Variants in KDM7A observed in about 807,000 individuals in gnomAD.
The protein encoded by KDM7A is lysine demethylase 7A.
Under a neutral mutation model 114.8 loss-of-function variants are expected in KDM7A, and 28 were observed. The observed-to-expected ratio is 0.24, with a 90% CI of 0.18 to 0.33. The LOEUF is 0.33. Ranked by LOEUF, KDM7A falls within the 10% of genes least tolerant of loss-of-function variation. The probability of loss-of-function intolerance (pLI) is 1.00; values close to 1 mark genes in which losing one functional copy is unlikely to be tolerated. For synonymous variants in KDM7A, 423 were observed against 397.8 expected (o/e 1.06, Z -0.75); for missense variants, 942 against 1,142.5 (o/e 0.82, Z 2.53).
intron 1 of KDM7A, among the ~76,000 whole-genome samples, chr7:140,174,964 C>A (rs1311577030): frequency 7.0e-6 from 1 of 142,836 alleles, no homozygotes; most frequent in African/African-American, 2.4e-5. Context: ...AAAAATAGTT[C>A]TTTGAAAAAA....
In KDM7A at chr7:140,176,980, G is replaced by C. The variant is rs756709949; in HGVS notation, c.-43C>G. The C allele has an allele frequency of 5.5e-6, 6 of 1,087,024 alleles. No homozygotes were observed. Among genetic ancestry groups the C allele is most frequent in the South Asian group, 9.0e-5 (2 of 22,328 alleles). The allele number at this position is 1,087,024 out of a possible 1,614,324, so 67.3% of individuals were successfully genotyped here. The stretch of plus-strand genomic sequence containing the variant: ...ACGCTCGCTCGCTACTCCGCTCGCC[G>C]ACTGGAGCGAGCGCAGCCGCCAGCC... On this transcript the variant is annotated 5_prime_UTR_variant, in exon 1 of 20. Transcript: ENST00000397560. This position sits in a 1 kb window ranked among gnomAD's most constrained non-coding sequence, Gnocchi z 4.4.
At position 140,100,120 on chromosome 7, in the gene KDM7A, G is replaced by C. The variant is rs530112438; in HGVS notation, c.1639-97C>G. 4 of 1,313,642 alleles carry C rather than the reference G, an allele frequency of 3.0e-6. No individual in the cohort carries two copies. In the South Asian group the frequency reaches 5.2e-5, roughly 17 times the overall value. 81.4% of individuals were successfully genotyped at this position (1,313,642 alleles called of 1,614,324 possible). On this transcript the variant is annotated intron_variant, in intron 12 of 19. Coordinates refer to ENST00000397560, the MANE Select transcript of KDM7A (RefSeq NM_030647.2). ...ATACCACCACCTCCCCCATGGTCCT[G>C]CATCTCAAAGATACAGGCAGCCACC... is the stretch of plus-strand genomic sequence containing the variant.
intron 1 of KDM7A, among the ~76,000 whole-genome samples, chr7:140,173,480 T>G (rs976465879): frequency 6.6e-6 from 1 of 152,210 alleles, no homozygotes; most frequent in Admixed American, 6.5e-5. Flanking sequence ...TCAGATTTCC[T>G]TATGTCAGAA....
At position 140,120,431 on chromosome 7, in the gene KDM7A, A is replaced by G. The variant is rs1208720346; in HGVS notation, c.1139+11T>C. 1.9e-6 allele frequency: 3 copies of G among 1,564,884 alleles called. No homozygotes were observed. In the Admixed American group the frequency reaches 5.0e-5, roughly 26 times the overall value. ...AGGACAAAAGGTCATTTAAATACTG[A>G]TGACACAAACCTGAGCTGCATGCCA... On this transcript the variant is annotated intron_variant, in intron 8 of 19. Transcript: ENST00000397560.
At chr7:140,161,605 T>C (rs544208822) in intron 1 of KDM7A, among the ~76,000 whole-genome samples, 6 of 152,150 alleles carry the variant, frequency 3.9e-5, no homozygotes, top group African/African-American at 1.4e-4. Context: ...TGGAGTGCTG[T>C]GGCGTGATCT....
At chr7:140,092,140 C>T (rs1172841369) in intron 18 of KDM7A, 63 bp from the exon 19 acceptor site, 1 of 1,492,422 alleles carries the variant, frequency 6.7e-7, no homozygotes, top group African/African-American at 1.4e-5. Context: ...TTTAAGCTCT[C>T]TATGCATTGG....
At chr7:140,117,930 G>A (rs944257411) in intron 9 of KDM7A, among the ~76,000 whole-genome samples, 24 of 152,306 alleles carry the variant, frequency 1.6e-4, no homozygotes, top group Non-Finnish European at 1.5e-4. Context: ...AGCACTGCCA[G>A]GACATCTCTG....
At chr7:140,116,645 T>G (rs1303454031) in intron 9 of KDM7A, among the ~76,000 whole-genome samples, 1 of 152,188 alleles carries the variant, frequency 6.6e-6, no homozygotes, top group African/African-American at 2.4e-5. Flanking sequence ...TATGAATGTG[T>G]GTGTGTGTAT....
intron 13 of KDM7A, among the ~76,000 whole-genome samples, chr7:140,099,509 G>A (rs1303585125): frequency 6.6e-6 from 1 of 152,060 alleles, no homozygotes; most frequent in African/African-American, 2.4e-5. Context: ...CAGATTAAAC[G>A]GGGGTCCCCA....
At chr7:140,139,692 A>G (rs1794237235) in intron 1 of KDM7A, among the ~76,000 whole-genome samples, 1 of 152,058 alleles carries the variant, frequency 6.6e-6, no homozygotes, top group South Asian at 2.1e-4. Flanking sequence ...AAAACCTTAA[A>G]AACAGATAGA....
At chr7:140,144,972 G>T (rs901752863) in intron 1 of KDM7A, among the ~76,000 whole-genome samples, 2 of 152,084 alleles carry the variant, frequency 1.3e-5, no homozygotes, top group African/African-American at 4.8e-5. Flanking sequence ...AGCTTCCTGA[G>T]GCCTCACCAG....
At chr7:140,143,094 G>A (rs1158462021) in intron 1 of KDM7A, among the ~76,000 whole-genome samples, 3 of 151,060 alleles carry the variant, frequency 2.0e-5, no homozygotes, top group Admixed American at 1.3e-4. Flanking sequence ...GCAGGAGAAC[G>A]GCATGAACTC....
chr7:140,113,609 A>G (rs1370714119), intron 9 of KDM7A, 27 bp from the exon 10 acceptor site: 19 of 1,233,310 alleles, frequency 1.5e-5, no homozygotes. Context: ...GGGGTGAGAA[A>G]AAAAAATAGT....
intron 4 of KDM7A, among the ~76,000 whole-genome samples, chr7:140,128,204 TAC>T (rs1818735666): frequency 6.6e-6 from 1 of 152,226 alleles, no homozygotes; most frequent in African/African-American, 2.4e-5. Context: ...GTGATTAATT[TAC>T]AGTTTTCGTA....
At chr7:140,093,624 A>G (rs1818058829) in intron 18 of KDM7A, among the ~76,000 whole-genome samples, 1 of 152,256 alleles carries the variant, frequency 6.6e-6, no homozygotes, top group African/African-American at 2.4e-5. Context: ...TAATGTAAGC[A>G]AAAGTTGTGT....
Position 140,156,934 on chromosome 7 carries a change from G to A in KDM7A, c.195-17744C>T, listed in dbSNP as rs116653663. 1.3e-3 allele frequency among the ~76,000 whole-genome samples: 192 copies of A among 152,342 alleles called. 2 individuals carry two copies. The highest frequency in any genetic ancestry group is 4.4e-3 in the African/African-American group (184 of 41,582). ...CCTTAACTTGCACATTTCCTGTACA[G>A]ATATGCTCATCTTCATACTCACCCT... is the stretch of plus-strand genomic sequence containing the variant. On this transcript the variant is annotated intron_variant, in intron 1 of 19. Coordinates refer to ENST00000397560, the MANE Select transcript of KDM7A (RefSeq NM_030647.2).
At chr7:140,148,018 T>A (rs1794358100) in intron 1 of KDM7A, among the ~76,000 whole-genome samples, 2 of 152,300 alleles carry the variant, frequency 1.3e-5, no homozygotes, top group African/African-American at 4.8e-5. Context: ...GTAAACATAC[T>A]AAGTCATAAA....
rs1229769676 is a variant in KDM7A, at chr7:140,088,245, A to G, written c.*2849T>C. The G allele has an allele frequency of 1.5e-5, 5 of 343,450 alleles. No homozygotes were observed. Among genetic ancestry groups the G allele is most frequent in the Admixed American group, 4.7e-5 (1 of 21,218 alleles). 21.3% of individuals were successfully genotyped at this position (343,450 alleles called of 1,614,324 possible). The stretch of plus-strand genomic sequence containing the variant: ...GGATACTGAACTACTACAAACTGCC[A>G]ACTTTATATTGTTTACATCACTCAT... On this transcript the variant is annotated 3_prime_UTR_variant, in exon 20 of 20. Coordinates refer to ENST00000397560, the MANE Select transcript of KDM7A (RefSeq NM_030647.2).
chr7:140,126,797 T>C lies in KDM7A; in HGVS notation c.728A>G (p.Asp243Gly). 3 of 1,613,832 alleles carry C rather than the reference T, an allele frequency of 1.9e-6. No individual in the cohort carries two copies. The Admixed American group carries it at 5.0e-5, about 27-fold the overall frequency. The change falls in exon 6 of 20, where the codon GAT becomes GGT. Residue 243 changes from aspartate to glycine, a missense_variant. Coordinates refer to ENST00000397560, the MANE Select transcript of KDM7A (RefSeq NM_030647.2). ...CACCCAGGAAAGTTTTTTGGCTATA[T>C]CAGGGACCTCCACCAATTCAGACAT... ...TKMSELVEVP[D>G]IAKKLSWVEN...
Sources: gnomAD v4.1 joint callset for allele counts (sites outside exome capture counted in the v4.1 genomes callset) on GRCh38, gnomAD v4.1.1 for gene constraint, Gnocchi (gnomAD v3.1) non-coding constraint, MANE v1.5 for transcripts, NCBI Gene and HGNC (gene_info 2026-07-23, HGNC 2026-07-21) for gene names.